Variants in TMEM117 observed in about 807,000 individuals in gnomAD.
TMEM117 encodes transmembrane protein 117.
In TMEM117, 27 loss-of-function variants were observed where a neutral mutation model predicts 52.4. The ratio of observed to expected loss-of-function variants is 0.51; its 90% CI spans 0.38 to 0.71. TMEM117 has a LOEUF of 0.71. TMEM117 is among the 30% of genes least tolerant of loss of function. TMEM117 has a pLI of 0.00. For synonymous variants in TMEM117, 215 were observed against 206.3 expected, an observed-to-expected ratio of 1.04 and a Z score of -0.36; for missense variants, 556 against 630.5, an observed-to-expected ratio of 0.88 and a Z score of 1.26.
At chr12:43,870,447 C>T (rs549140366) in intron 2 of TMEM117, among the ~76,000 whole-genome samples, 12 of 151,906 alleles carry the variant, frequency 7.9e-5, no homozygotes, top group East Asian at 5.9e-4. Context: ...TTAGTAGAGA[C>T]GGGATTTCAC....
intron 5 of TMEM117, among the ~76,000 whole-genome samples, chr12:44,259,444 A>T (rs1044107542): frequency 6.6e-6 from 1 of 152,142 alleles, no homozygotes; most frequent in Non-Finnish European, 1.5e-5. Context: ...TTATGGTCTC[A>T]CTGCGCAAAT....
rs186788059 is a variant in TMEM117 at position 43,969,242 on chromosome 12, C to T, written c.410+24900C>T. On this transcript the variant is annotated intron_variant, in intron 3 of 7. Coordinates refer to ENST00000266534, the MANE Select transcript of TMEM117 (RefSeq NM_032256.3). ...CTTTAAAACTTAATTTAAAATTGGC[C>T]GGGCGCGGTGGCTCATGCCTGTAAT... 2.3e-4 allele frequency among the ~76,000 whole-genome samples: 35 copies of T among 150,986 alleles called. 1 individual carries two copies. Among genetic ancestry groups the T allele is most frequent in the Non-Finnish European group, 3.7e-4 (25 of 67,840 alleles).
intron 5 of TMEM117, among the ~76,000 whole-genome samples, chr12:44,285,854 T>G (rs17094384): frequency 1.3e-5 from 2 of 152,222 alleles, no homozygotes; most frequent in African/African-American, 2.4e-5. Context: ...GTTCTTGGTT[T>G]TGCAGTGAAA....
chr12:44,171,716 C>T (rs1487078468), intron 4 of TMEM117, among the ~76,000 whole-genome samples: 1 of 152,154 alleles, frequency 6.6e-6, no homozygotes, highest in Non-Finnish European at 1.5e-5. Context: ...AAGTTAGACT[C>T]CTCTTAACTA....
the TMEM117 span, chr12:43,806,452 C>G: frequency 2.9e-6 from 3 of 1,037,848 alleles, no homozygotes; most frequent in Non-Finnish European, 3.6e-6. Flanking sequence ...GTCCAGCCCC[C>G]GGCCTCGCTA....
chr12:44,140,711 T>C (rs1163446620), intron 3 of TMEM117, among the ~76,000 whole-genome samples: 1 of 152,134 alleles, frequency 6.6e-6, no homozygotes, highest in Non-Finnish European at 1.5e-5. Context: ...GGGTAAGGGC[T>C]GGTTTATACT....
chr12:44,108,249 C>T (rs1469453665), intron 3 of TMEM117, among the ~76,000 whole-genome samples: 1 of 149,778 alleles, frequency 6.7e-6, no homozygotes, highest in Non-Finnish European at 1.5e-5. Flanking sequence ...TACATGTGCA[C>T]ATTGTGCAGG....
At chr12:43,991,438 TA>T (rs1945938105) in intron 3 of TMEM117, among the ~76,000 whole-genome samples, 5 of 3,046 alleles carry the variant, frequency 1.6e-3, no homozygotes, top group Non-Finnish European at 0.01. Context: ...TATTTATTGT[TA>T]TCTATCTATC....
At chr12:44,054,796 G>A (rs997384122) in intron 3 of TMEM117, among the ~76,000 whole-genome samples, 1 of 150,092 alleles carries the variant, frequency 6.7e-6, no homozygotes, top group African/African-American at 2.5e-5. Flanking sequence ...CAACATGCAG[G>A]TTTGTTACAT....
chr12:44,218,538 G>T (rs888503102), intron 5 of TMEM117, among the ~76,000 whole-genome samples: 1 of 152,114 alleles, frequency 6.6e-6, no homozygotes, highest in Non-Finnish European at 1.5e-5. Context: ...ATACTCAGTG[G>T]TAAAACCCGA....
chr12:43,805,778 T>C, the TMEM117 span: 3 of 1,351,544 alleles, frequency 2.2e-6, no homozygotes, highest in Middle Eastern at 2.1e-4. Context: ...TGGTTCTTTT[T>C]GTAATCAAAG....
intron 3 of TMEM117, among the ~76,000 whole-genome samples, chr12:44,023,585 G>A (rs1371288718): frequency 5.3e-5 from 8 of 151,994 alleles, no homozygotes; most frequent in Non-Finnish European, 1.0e-4. Flanking sequence ...GTGATGATGA[G>A]CATTTTTTCA....
chr12:44,053,491 C>T, intron 3 of TMEM117, among the ~76,000 whole-genome samples: 1 of 152,108 alleles, frequency 6.6e-6, no homozygotes, highest in East Asian at 1.9e-4. Flanking sequence ...ATCTAGGTTT[C>T]ATTTTATGGA....
At chr12:44,265,482 T>C (rs2138551829) in intron 5 of TMEM117, among the ~76,000 whole-genome samples, 1 of 152,312 alleles carries the variant, frequency 6.6e-6, no homozygotes, top group East Asian at 1.9e-4. Flanking sequence ...GTTAGAAGGC[T>C]ATGTCAGTGG....
At chr12:44,091,783 A>T (rs1947676521) in intron 3 of TMEM117, among the ~76,000 whole-genome samples, 1 of 152,242 alleles carries the variant, frequency 6.6e-6, no homozygotes, top group Non-Finnish European at 1.5e-5. Context: ...GAGTGTAAAA[A>T]CAGAAACAAT....
intron 2 of TMEM117, among the ~76,000 whole-genome samples, chr12:43,927,915 G>A (rs79803879): frequency 0.033 from 4,982 of 151,836 alleles, 108 homozygotes; most frequent in Middle Eastern, 0.075. Flanking sequence ...ATTTATATTA[G>A]GACTTGATTC....
chr12:43,806,132 G>A, the TMEM117 span: 5 of 1,527,688 alleles, frequency 3.3e-6, no homozygotes, highest in African/African-American at 1.4e-5. Context: ...CTCCCGGCCC[G>A]ACTCCAGCCC....
chr12:44,158,713 TAAC>T (rs112548509), intron 4 of TMEM117, among the ~76,000 whole-genome samples: 3,067 of 152,060 alleles, frequency 0.02, 81 homozygotes, highest in East Asian at 0.057. Flanking sequence ...AGTTGGAAAA[TAAC>T]AAACTCTAGA....
At chr12:44,115,553 A>C (rs1270468290) in intron 3 of TMEM117, among the ~76,000 whole-genome samples, 3 of 148,492 alleles carry the variant, frequency 2.0e-5, no homozygotes, top group Non-Finnish European at 4.5e-5. Context: ...TTTTTTTTTT[A>C]CTGAAGTCAT....
Sources: gnomAD v4.1 joint callset for allele counts (sites outside exome capture counted in the v4.1 genomes callset) on GRCh38, gnomAD v4.1.1 for gene constraint, MANE v1.5 for transcripts, NCBI Gene and HGNC (gene_info 2026-07-23, HGNC 2026-07-21) for gene names.